The following GLI3 variants were observed in gnomAD, a reference collection of about 807,000 sequenced individuals.
The protein encoded by GLI3 is GLI family zinc finger 3.
In GLI3, 20 loss-of-function variants were observed where a neutral mutation model predicts 100.8. The ratio of observed to expected loss-of-function variants is 0.20; its 90% CI spans 0.14 to 0.29. The LOEUF (loss-of-function observed/expected upper bound fraction) is 0.29. Among genes scored for constraint, GLI3 ranks in the 10% least tolerant of loss-of-function variants. GLI3 has a pLI of 1.00. For missense variants in GLI3, 2,040 were observed against 2,128.5 expected (o/e 0.96, Z 0.82); for synonymous variants, 938 against 860.5 (o/e 1.09, Z -1.58).
At chr7:42,193,313 G>T (rs1167907691) in intron 2 of GLI3, among the ~76,000 whole-genome samples, 1 of 151,908 alleles carries the variant, frequency 6.6e-6, no homozygotes, top group Non-Finnish European at 1.5e-5. Flanking sequence ...CATTCAAAAG[G>T]GGTTTAAAAA....
At chr7:41,999,901 C>T (rs1562678043) in intron 10 of GLI3, among the ~76,000 whole-genome samples, 1 of 152,224 alleles carries the variant, frequency 6.6e-6, no homozygotes, top group Admixed American at 6.5e-5. Flanking sequence ...TGGATAGGGC[C>T]TCAGACCAGC....
At chr7:42,217,895 C>G (rs1180844512) in intron 2 of GLI3, among the ~76,000 whole-genome samples, 1 of 152,186 alleles carries the variant, frequency 6.6e-6, no homozygotes, top group African/African-American at 2.4e-5. Flanking sequence ...ATAGCAGAGG[C>G]TAACGTTTGC....
At chr7:42,167,015 C>T (rs926858664) in intron 2 of GLI3, among the ~76,000 whole-genome samples, 1 of 152,088 alleles carries the variant, frequency 6.6e-6, no homozygotes, top group Admixed American at 6.6e-5. Context: ...CTAGTAGAGA[C>T]CGGGTTTCGC....
intron 1 of GLI3, among the ~76,000 whole-genome samples, chr7:42,262,207 T>TG (rs1789150190): frequency 7.6e-6 from 1 of 130,936 alleles, no homozygotes; most frequent in Non-Finnish European, 1.6e-5. Context: ...TTTCCTTCCT[T>TG]CTTTCCTTCC....
chr7:42,149,026 T>C (rs1786792075), intron 2 of GLI3, among the ~76,000 whole-genome samples: 1 of 152,204 alleles, frequency 6.6e-6, no homozygotes, highest in African/African-American at 2.4e-5. Flanking sequence ...TTAAGTCAGA[T>C]TTGTAACCCA....
At chr7:41,974,097 G>C (rs1359871952) in intron 12 of GLI3, among the ~76,000 whole-genome samples, 1 of 152,188 alleles carries the variant, frequency 6.6e-6, no homozygotes, top group Non-Finnish European at 1.5e-5. Context: ...CAGAGGTATG[G>C]AGACCAGAAG....
intron 3 of GLI3, among the ~76,000 whole-genome samples, chr7:42,081,655 T>A (rs1029252124): frequency 6.6e-6 from 1 of 152,174 alleles, no homozygotes; most frequent in Admixed American, 6.5e-5. Context: ...TGGAGATTTA[T>A]CTCTAGTTGC....
chr7:42,100,043 T>A (rs1785425718), intron 3 of GLI3, among the ~76,000 whole-genome samples: 1 of 152,264 alleles, frequency 6.6e-6, no homozygotes, highest in Non-Finnish European at 1.5e-5. Context: ...GTCTGTGTCA[T>A]CCTCTTCAAG....
chr7:42,056,555 T>C (rs1448508289), intron 4 of GLI3, among the ~76,000 whole-genome samples: 2 of 152,212 alleles, frequency 1.3e-5, no homozygotes, highest in East Asian at 3.8e-4. Flanking sequence ...AATATTTTCT[T>C]ACATGGAGAA....
In GLI3 at chr7:42,219,017, GA is replaced by G. The variant is rs1364975284; in HGVS notation, c.124+4112del. 1.8e-4 allele frequency among the ~76,000 whole-genome samples: 28 copies of G among 152,166 alleles called. 1 individual carries two copies. In the South Asian group the frequency reaches 5.4e-3, roughly 29 times the overall value. On this transcript the variant is annotated intron_variant, in intron 2 of 14. Transcript: ENST00000395925. ...ATGTAGAACATTGGAAGATTTAGAT[GA>G]AAAAAACTCTTATTATTTAGAAAAC...
chr7:41,980,048 G>C (rs1020912502), intron 10 of GLI3, among the ~76,000 whole-genome samples: 1 of 152,204 alleles, frequency 6.6e-6, no homozygotes, highest in Non-Finnish European at 1.5e-5. Context: ...AACTGGGTGA[G>C]GACAGAGAAA....
At chr7:42,182,683 C>CGTGTGTGTGTATATATATATATATAT (rs1562775920) in intron 2 of GLI3, among the ~76,000 whole-genome samples, 572 of 54,860 alleles carry the variant, frequency 0.01, 16 homozygotes, top group Non-Finnish European at 0.016. Flanking sequence ...TATATATATA[C>CGTGTGTGTGTATATATATATATATAT]ACATGTGTGT....
chr7:42,119,682 A>G (rs1457749252), intron 3 of GLI3, among the ~76,000 whole-genome samples: 1 of 152,226 alleles, frequency 6.6e-6, no homozygotes, highest in Non-Finnish European at 1.5e-5. Context: ...AAATGCCACA[A>G]GGGTGACGGT....
At chr7:42,222,999 T>G in intron 2 of GLI3, 131 bp downstream of exon 2, 24 of 782,908 alleles carry the variant, frequency 3.1e-5, no homozygotes, top group Non-Finnish European at 3.4e-5. Context: ...CCCCCGCCCC[T>G]GCTCCATTTG....
At chr7:42,108,488 C>G (rs1785628540) in intron 3 of GLI3, among the ~76,000 whole-genome samples, 1 of 152,164 alleles carries the variant, frequency 6.6e-6, no homozygotes, top group South Asian at 2.1e-4. Flanking sequence ...AAGATAGACT[C>G]TTCCTCTGGG....
chr7:42,048,110 C>T (rs1478009761), intron 5 of GLI3, among the ~76,000 whole-genome samples: 1 of 152,174 alleles, frequency 6.6e-6, no homozygotes, highest in East Asian at 1.9e-4. Flanking sequence ...TCATGTTACA[C>T]ATGCACGTGT....
chr7:42,116,599 T>G (rs2128769033), intron 3 of GLI3, among the ~76,000 whole-genome samples: 1 of 152,264 alleles, frequency 6.6e-6, no homozygotes, highest in African/African-American at 2.4e-5. Context: ...ATGAACAACT[T>G]AAAAATTGCC....
intron 1 of GLI3, among the ~76,000 whole-genome samples, chr7:42,236,556 A>G (rs1788799204): frequency 6.6e-6 from 1 of 151,944 alleles, no homozygotes; most frequent in Non-Finnish European, 1.5e-5. Flanking sequence ...GCCCATCCCG[A>G]GCGCCGTGCG....
intron 7 of GLI3, among the ~76,000 whole-genome samples, chr7:42,030,705 T>G (rs543666886): frequency 7.2e-4 from 110 of 151,854 alleles, no homozygotes; most frequent in Non-Finnish European, 1.2e-3. Context: ...TGTTTTTTTT[T>G]TTTTTGTTTT....
Sources: allele counts gnomAD v4.1 joint callset (sites outside exome capture counted in the v4.1 genomes callset), GRCh38; gene constraint gnomAD v4.1.1; transcripts MANE v1.5; gene names NCBI Gene and HGNC (gene_info 2026-07-23, HGNC 2026-07-21).